Variants in SLC1A3 observed in about 807,000 individuals in gnomAD.
SLC1A3 encodes the protein excitatory amino acid transporter 1.
Under a neutral mutation model 48.1 loss-of-function variants are expected in SLC1A3, and 21 were observed. The observed-to-expected ratio is 0.44, with a 90% CI of 0.31 to 0.63. The LOEUF is 0.63. SLC1A3 is among the 20% of genes least tolerant of loss of function. The pLI, the probability that SLC1A3 is intolerant of heterozygous loss-of-function variation, is 0.08. For missense variants in SLC1A3, 546 were observed against 689.0 expected (o/e 0.79, Z 2.32); for synonymous variants, 239 against 251.4 (o/e 0.95, Z 0.47).
chr5:36,684,120 T>C, intron 9 of SLC1A3, 122 bp downstream of exon 9: 1 of 1,271,568 alleles, frequency 7.9e-7, no homozygotes, highest in Non-Finnish European at 1.1e-6. Flanking sequence ...TCTCGGCCCA[T>C]AGTTAAATTG....
In SLC1A3 at chr5:36,597,233, CTTTTTTTTTTTTT is replaced by C. The variant is rs70976237; in HGVS notation, c.-96+574_-96+586del. ...CACACCGAAAACTTCTTCTTCCTTT[CTTTTTTTTTTTTT>C]TTTTTTTTTTTTTTTTTTGAGACGG... On this transcript the variant is annotated intron_variant, in intron 1 of 9. Coordinates refer to the SLC1A3 transcript ENST00000680318. Among the ~76,000 whole-genome samples, 97 of 46,122 alleles carry C rather than the reference CTTTTTTTTTTTTT, an allele frequency of 2.1e-3. 3 individuals carry two copies. Among genetic ancestry groups the C allele is most frequent in the African/African-American group, 9.0e-3 (94 of 10,482 alleles). The allele number at this position is 46,122 out of a possible 152,430, so 30.3% of individuals were successfully genotyped here.
chr5:36,651,264 C>A (rs72732541), intron 3 of SLC1A3, among the ~76,000 whole-genome samples: 69,649 of 151,080 alleles, frequency 0.46, 16,786 homozygotes, highest in Non-Finnish European at 0.53. Context: ...AACTCCACTG[C>A]CCTCTACTAT....
chr5:36,622,078 G>A (rs1042727554), intron 2 of SLC1A3, among the ~76,000 whole-genome samples: 10 of 152,092 alleles, frequency 6.6e-5, no homozygotes, highest in African/African-American at 1.9e-4. Context: ...CTTGAGCCAC[G>A]AAAATGGACA....
chr5:36,678,874 T>C (rs1464047798), intron 6 of SLC1A3, among the ~76,000 whole-genome samples: 2 of 152,242 alleles, frequency 1.3e-5, no homozygotes, highest in Non-Finnish European at 2.9e-5. Flanking sequence ...TACATGCACA[T>C]TATTAAGTTT....
At chr5:36,605,289 T>C (rs965361663), upstream of SLC1A3, among the ~76,000 whole-genome samples, 8 of 152,184 alleles carry the variant, frequency 5.3e-5, no homozygotes, top group African/African-American at 1.9e-4. Flanking sequence ...CTCAGTGACC[T>C]AGGAGATCAG....
At chr5:36,627,227 A>G (rs1399817785) in intron 2 of SLC1A3, among the ~76,000 whole-genome samples, 1 of 152,224 alleles carries the variant, frequency 6.6e-6, no homozygotes, top group African/African-American at 2.4e-5. Flanking sequence ...AGAAAATACA[A>G]TTAGGAAAAA....
In SLC1A3 at chr5:36,649,887, A is replaced by G. The variant is rs570013571; in HGVS notation, c.319+20300A>G. On this transcript the variant is annotated intron_variant, in intron 3 of 9. Transcript: ENST00000265113. ...CCAATATTCATTTCCCCCAGTCCTC[A>G]ACCCTTGAGTGAGATGGGCCTTCCC... Among the ~76,000 whole-genome samples the G allele has an allele frequency of 2.6e-5, 4 of 152,368 alleles. No homozygotes were observed. The South Asian group carries it at 8.3e-4, about 32-fold the overall frequency.
chr5:36,661,124 A>T (rs1184141764), intron 3 of SLC1A3, among the ~76,000 whole-genome samples: 4 of 152,328 alleles, frequency 2.6e-5, no homozygotes, highest in Admixed American at 2.0e-4. Flanking sequence ...GATTTAATTT[A>T]AAAAATAGAC....
intron 2 of SLC1A3, among the ~76,000 whole-genome samples, chr5:36,615,333 A>G (rs767119068): frequency 3.3e-5 from 5 of 152,236 alleles, no homozygotes; most frequent in Non-Finnish European, 7.3e-5. Flanking sequence ...ATCTTCCTCT[A>G]AAATATCTGA....
intron 9 of SLC1A3, among the ~76,000 whole-genome samples, chr5:36,685,484 C>T (rs1742606945): frequency 1.3e-5 from 2 of 152,162 alleles, no homozygotes; most frequent in Non-Finnish European, 2.9e-5. Flanking sequence ...CCATGTTGGC[C>T]AGGCTGGTCT....
In SLC1A3 at chr5:36,636,463, T is replaced by TTTCTTTCTTTCTTTC. The variant is rs1554041157; in HGVS notation, c.319+6878_319+6879insCTTTCTTTCTTTCTT. 6 of 68,604 alleles carry TTTCTTTCTTTCTTTC rather than the reference T, an allele frequency of 8.7e-5. No individual in the cohort carries two copies. In the South Asian group the frequency reaches 2.1e-3, roughly 24 times the overall value. 4.2% of individuals were successfully genotyped at this position (68,604 alleles called of 1,614,324 possible). A position where few individuals can be genotyped will look rare whatever the true frequency, so the allele number is the denominator to read the frequency against. On this transcript the variant is annotated intron_variant, in intron 3 of 9. Coordinates refer to ENST00000265113, the MANE Select transcript of SLC1A3 (RefSeq NM_004172.5). The stretch of plus-strand genomic sequence containing the variant: ...TCTTTTCTTTTTCTTTCTTTCTTTC[T>TTTCTTTCTTTCTTTC]TTTCTTTCTTTCTTTCTTTCTTTCT...
At position 36,686,292 on chromosome 5, in the gene SLC1A3, T is replaced by C. The variant is rs757573421; in HGVS notation, c.*23T>C. 1 of 1,556,902 alleles carries C rather than the reference T, an allele frequency of 6.4e-7. No individual in the cohort carries two copies. The highest frequency in any genetic ancestry group is 2.2e-5 in the East Asian group (1 of 44,654). On this transcript the variant is annotated 3_prime_UTR_variant, in exon 10 of 10. Transcript: ENST00000265113. ...TAGACTAACATAAAGAAACACTTTC[T>C]TGAGCACCAGGTGTTAAAAACCATT... is the stretch of plus-strand genomic sequence containing the variant.
At chr5:36,620,116 G>A (rs747601744) in intron 2 of SLC1A3, among the ~76,000 whole-genome samples, 1 of 152,138 alleles carries the variant, frequency 6.6e-6, no homozygotes, top group African/African-American at 2.4e-5. Context: ...ATCACTTACC[G>A]CAATGTGCCT....
At chr5:36,638,775 C>A (rs1740496440) in intron 3 of SLC1A3, 1 of 152,282 alleles carries the variant, frequency 6.6e-6, no homozygotes, top group East Asian at 1.9e-4. Context: ...TCAAGGGATT[C>A]TCCTGCCTCA....
chr5:36,618,135 A>C, intron 2 of SLC1A3, among the ~76,000 whole-genome samples: 1 of 152,220 alleles, frequency 6.6e-6, no homozygotes, highest in East Asian at 1.9e-4. Flanking sequence ...TTCAGGATAG[A>C]ATCAGGTAGA....
chr5:36,620,524 G>A (rs1739620485), intron 2 of SLC1A3, among the ~76,000 whole-genome samples: 1 of 152,216 alleles, frequency 6.6e-6, no homozygotes, highest in East Asian at 1.9e-4. Flanking sequence ...TTACTGGGGA[G>A]CACAGAACAG....
intron 3 of SLC1A3, among the ~76,000 whole-genome samples, chr5:36,652,036 T>G (rs961666189): frequency 1.3e-5 from 2 of 152,200 alleles, no homozygotes; most frequent in African/African-American, 4.8e-5. Context: ...TTTATGTGGT[T>G]GGCTTTTTTA....
At chr5:36,636,474 T>TCTTTC (rs1323274073) in intron 3 of SLC1A3, 1 of 113,874 alleles carries the variant, frequency 8.8e-6, no homozygotes, top group Non-Finnish European at 1.8e-5. Flanking sequence ...TTTCTTTCTT[T>TCTTTC]CTTTCTTTCT....
At chr5:36,650,277 A>G (rs955271775) in intron 3 of SLC1A3, among the ~76,000 whole-genome samples, 2 of 152,224 alleles carry the variant, frequency 1.3e-5, no homozygotes, top group African/African-American at 4.8e-5. Context: ...GGGGTCATTT[A>G]TCCATCTGTA....
Sources: gnomAD v4.1 joint callset for allele counts (sites outside exome capture counted in the v4.1 genomes callset) on GRCh38, gnomAD v4.1.1 for gene constraint, MANE v1.5 for transcripts, NCBI Gene and HGNC (gene_info 2026-07-23, HGNC 2026-07-21) for gene names.